The following MYEF2 variants were observed in gnomAD, a reference collection of about 807,000 sequenced individuals.
The protein encoded by MYEF2 is myelin gene expression factor 2.
MYEF2 carries 37 observed loss-of-function variants against 75.2 expected under a neutral mutation model. The ratio of observed to expected loss-of-function variants is 0.49; its 90% CI spans 0.38 to 0.65. The LOEUF (loss-of-function observed/expected upper bound fraction) is 0.65. MYEF2 is among the 30% of genes least tolerant of loss of function. The pLI is 0.00. For missense variants in MYEF2, 634 were observed against 771.4 expected, an observed-to-expected ratio of 0.82 and a Z score of 2.11; for synonymous variants, 195 against 241.6, an observed-to-expected ratio of 0.81 and a Z score of 1.79.
In MYEF2 at chr15:48,139,759, C is replaced by T. The variant is rs113679463; in HGVS notation, c.*3149G>A. The T allele has an allele frequency of 6.6e-6, 1 of 152,010 alleles. No individual in the cohort carries two copies. Among genetic ancestry groups the T allele is most frequent in the African/African-American group, 2.4e-5 (1 of 41,418 alleles). The allele number at this position is 152,010 out of a possible 1,614,324, so 9.4% of individuals were successfully genotyped here. On this transcript the variant is annotated 3_prime_UTR_variant, in exon 17 of 17. Coordinates refer to ENST00000324324, the MANE Select transcript of MYEF2 (RefSeq NM_016132.5). Reference sequence around the variant, plus strand: ...GCCATAATCCACTACAGTCCCTAAACAAAAAAACTATGAACAAAGACAAAA... The same window carrying T: ...GCCATAATCCACTACAGTCCCTAAATAAAAAAACTATGAACAAAGACAAAA...
At chr15:48,165,675 T>C (rs2040107513) in intron 5 of MYEF2, among the ~76,000 whole-genome samples, 1 of 152,034 alleles carries the variant, frequency 6.6e-6, no homozygotes, top group South Asian at 2.1e-4. Context: ...CCCCTTTGAA[T>C]TTCTAGGTCC....
intron 12 of MYEF2, 58 bp from the exon 13 acceptor site, chr15:48,151,629 A>G: frequency 1.4e-6 from 2 of 1,450,480 alleles, no homozygotes; most frequent in South Asian, 2.4e-5. Context: ...TGTTGAAAAC[A>G]TTCAGGAATG....
rs1023191645 is a variant in MYEF2, at chr15:48,141,137, C to T, written c.*1771G>A. The T allele has an allele frequency of 5.0e-6, 8 of 1,613,178 alleles. No individual in the cohort carries two copies. The highest frequency in any genetic ancestry group is 2.2e-5 in the East Asian group (1 of 44,870). On this transcript the variant is annotated 3_prime_UTR_variant, in exon 17 of 17. Transcript: ENST00000324324. ...GGGGAAACACTAGAAATTCCCGATA[C>T]AGTAATGGGCCTTACTTTATTAGCA...
chr15:48,157,821 C>A, intron 9 of MYEF2, 172 bp downstream of exon 9: 2 of 1,346,698 alleles, frequency 1.5e-6, no homozygotes, highest in East Asian at 2.7e-5. Flanking sequence ...TGGCACGTAA[C>A]ACTTATCTTC....
Position 48,146,154 on chromosome 15 carries a change from A to T in MYEF2, c.1639+2878T>A, listed in dbSNP as rs550503098. Among the ~76,000 whole-genome samples, 11 of 152,090 alleles carry T rather than the reference A, an allele frequency of 7.2e-5. 1 individual carries two copies. Among genetic ancestry groups the T allele is most frequent in the African/African-American group, 2.6e-4 (11 of 41,566 alleles). On this transcript the variant is annotated intron_variant, in intron 16 of 16. Coordinates refer to ENST00000324324, the MANE Select transcript of MYEF2 (RefSeq NM_016132.5). ...TGAGCCAGAAGGCCAGAATGCAGCT[A>T]AAGTATACAGATGACATGGGAGCAC...
At chr15:48,159,571 A>G (rs2039855337) in intron 6 of MYEF2, 42 bp downstream of exon 6, 2 of 1,534,106 alleles carry the variant, frequency 1.3e-6, no homozygotes, top group African/African-American at 1.4e-5. Flanking sequence ...CAAATTAGCT[A>G]TCTATCTGAA....
At chr15:48,146,200 T>C (rs79336775) in intron 16 of MYEF2, among the ~76,000 whole-genome samples, 1,806 of 152,038 alleles carry the variant, frequency 0.012, 38 homozygotes, top group African/African-American at 0.042. Flanking sequence ...CTATGCCCAT[T>C]TGACCCTATT....
Position 48,151,892 on chromosome 15 carries a change from C to T in MYEF2, c.1189G>A (p.Gly397Arg). 6.2e-7 allele frequency: 1 copy of T among 1,613,508 alleles called. No homozygotes were observed. The highest frequency in any genetic ancestry group is 8.5e-7 in the Non-Finnish European group (1 of 1,179,568). Residue 397 changes from glycine (G) to arginine (R), a missense_variant, in exon 12 of 17, where the codon GGA becomes AGA. Physicochemically the swap from Gly to Arg is moderately radical, Grantham distance 125. Coordinates refer to ENST00000324324, the MANE Select transcript of MYEF2 (RefSeq NM_016132.5). Reference protein sequence around the residue: ...EAMNSMGGFGGVGRMGELYRG... With the variant: ...EAMNSMGGFGRVGRMGELYRG... The stretch of plus-strand genomic sequence containing the variant: ...TACCTACCTCCCATTCGGCCAACTC[C>T]TCCAAATCCTCCCATGCTATTCATT...
intron 1 of MYEF2, among the ~76,000 whole-genome samples, chr15:48,172,609 C>G (rs1017492095): frequency 2.0e-5 from 3 of 150,772 alleles, no homozygotes; most frequent in Non-Finnish European, 3.0e-5. Context: ...AAAGATCAAA[C>G]TAGATTAAGG....
Position 48,141,003 on chromosome 15 carries a change from T to A in MYEF2, c.*1905A>T. The A allele has an allele frequency of 1.2e-6, 1 of 825,908 alleles. No individual in the cohort carries two copies. Among genetic ancestry groups the A allele is most frequent in the Non-Finnish European group, 1.9e-6 (1 of 516,364 alleles). 51.2% of individuals were successfully genotyped at this position (825,908 alleles called of 1,614,324 possible). ...AAGCAAGCACATATTGGCTCTGAAT[T>A]CTAAATGTGCCTATTTTATTTTTGT... On this transcript the variant is annotated 3_prime_UTR_variant, in exon 17 of 17. Coordinates refer to ENST00000324324, the MANE Select transcript of MYEF2 (RefSeq NM_016132.5).
rs1323240772 is a variant in MYEF2, at chr15:48,134,948, C to G, written c.*7960G>C. The G allele has an allele frequency of 6.2e-7, 1 of 1,612,216 alleles. No individual in the cohort carries two copies. Among genetic ancestry groups the G allele is most frequent in the Non-Finnish European group, 8.5e-7 (1 of 1,178,790 alleles). On this transcript the variant is annotated 3_prime_UTR_variant, in exon 17 of 17. Coordinates refer to ENST00000324324, the MANE Select transcript of MYEF2 (RefSeq NM_016132.5). ...GCAGCGTACACAATTAGTGCAGCAG[C>G]AGTTCTTGGTATAATATATGACAAC...
intron 16 of MYEF2, among the ~76,000 whole-genome samples, chr15:48,144,177 A>T (rs531484240): frequency 6.6e-6 from 1 of 151,938 alleles, no homozygotes; most frequent in African/African-American, 2.4e-5. Flanking sequence ...GGGAGGAGAA[A>T]AAAAAGGAGA....
chr15:48,171,515 T>C (rs1316253222), intron 1 of MYEF2, among the ~76,000 whole-genome samples: 1 of 137,218 alleles, frequency 7.3e-6, no homozygotes, highest in African/African-American at 2.7e-5. Flanking sequence ...TCTTCATTTT[T>C]CCCCCATAAG....
At position 48,149,451 on chromosome 15, in the gene MYEF2, G is replaced by A. The variant is rs1325541277; in HGVS notation, c.1379-80C>T. ...AAACATAAGGAAAAGGAGAAGAGGA[G>A]AAAGGAGGAAAAGGAGATAAACATT... On this transcript the variant is annotated intron_variant, in intron 14 of 16. Transcript: ENST00000324324. The surrounding 1 kb of genome is among the most constrained non-coding windows in gnomAD (Gnocchi z 4.0). 1.6e-6 allele frequency: 2 copies of A among 1,264,906 alleles called. No individual in the cohort carries two copies. The highest frequency in any genetic ancestry group is 2.3e-5 in the East Asian group (1 of 42,898). 78.4% of individuals were successfully genotyped at this position (1,264,906 alleles called of 1,614,324 possible).
At chr15:48,159,877 A>G (rs2039870461) in intron 5 of MYEF2, 73 bp from the exon 6 acceptor site, 10 of 1,429,370 alleles carry the variant, frequency 7.0e-6, no homozygotes, top group Non-Finnish European at 8.6e-6. Flanking sequence ...AACAATTTAA[A>G]TTCTACAGTA....
At position 48,141,821 on chromosome 15, in the gene MYEF2, A is replaced by G. The variant is rs373649412; in HGVS notation, c.*1087T>C. The G allele has an allele frequency of 8.3e-5, 29 of 348,682 alleles. No homozygotes were observed. Among genetic ancestry groups the G allele is most frequent in the South Asian group, 5.4e-4 (6 of 11,172 alleles). The allele number at this position is 348,682 out of a possible 1,614,324, so 21.6% of individuals were successfully genotyped here. On this transcript the variant is annotated 3_prime_UTR_variant, in exon 17 of 17. Coordinates refer to ENST00000324324, the MANE Select transcript of MYEF2 (RefSeq NM_016132.5). Reference sequence around the variant, plus strand: ...ATACCTTATTGAAAAATGGTTTAATAAATATAATTATTAAATAAATGTTAA... The same window carrying G: ...ATACCTTATTGAAAAATGGTTTAATGAATATAATTATTAAATAAATGTTAA...
rs1458533227 is a variant in MYEF2, at chr15:48,141,475, G to A, written c.*1433C>T. On this transcript the variant is annotated 3_prime_UTR_variant, in exon 17 of 17. Transcript: ENST00000324324. ...GCCTGTAATCCCAGCTACTCAGGAGGCTGAGGCAGGAGAATTGTTTGAATC... is the reference window on the plus strand; with the variant it reads ...GCCTGTAATCCCAGCTACTCAGGAGACTGAGGCAGGAGAATTGTTTGAATC... 3 of 254,568 alleles carry A rather than the reference G, an allele frequency of 1.2e-5. No individual in the cohort carries two copies. Among genetic ancestry groups the A allele is most frequent in the Non-Finnish European group, 2.3e-5 (3 of 130,904 alleles). The allele number at this position is 254,568 out of a possible 1,614,324, so 15.8% of individuals were successfully genotyped here.
rs1024709659 is a variant in MYEF2 at position 48,137,248 on chromosome 15, T to G, written c.*5660A>C. On this transcript the variant is annotated 3_prime_UTR_variant, in exon 17 of 17. Transcript: ENST00000324324. ...ATGTGGTGAGGACAGATAGGAGATTTTCACAGAGAAGGGAGCATTTAAATT... is the reference window on the plus strand; with the variant it reads ...ATGTGGTGAGGACAGATAGGAGATTGTCACAGAGAAGGGAGCATTTAAATT... 3.3e-6 allele frequency: 1 copy of G among 305,376 alleles called. No individual in the cohort carries two copies. Among genetic ancestry groups the G allele is most frequent in the Non-Finnish European group, 6.0e-6 (1 of 166,174 alleles). The allele number at this position is 305,376 out of a possible 1,614,324, so 18.9% of individuals were successfully genotyped here. A position where few individuals can be genotyped will look rare whatever the true frequency, so the allele number is the denominator to read the frequency against.
At chr15:48,154,054 C>A in intron 9 of MYEF2, 161 bp from the exon 10 acceptor site, 2 of 547,080 alleles carry the variant, frequency 3.7e-6, no homozygotes, top group South Asian at 5.4e-5. Context: ...GAAAGTAGCA[C>A]ACTGAAGCCC....
Sources: allele counts gnomAD v4.1 joint callset (sites outside exome capture counted in the v4.1 genomes callset), GRCh38; gene constraint gnomAD v4.1.1; non-coding constraint Gnocchi (gnomAD v3.1); transcripts MANE v1.5; gene names NCBI Gene and HGNC (gene_info 2026-07-23, HGNC 2026-07-21).